Variants in DCDC1 observed in about 807,000 individuals in gnomAD.
DCDC1 encodes the protein doublecortin domain containing 1, also known as doublecortin domain-containing protein 1.
Under a neutral mutation model 178.3 loss-of-function variants are expected in DCDC1, and 200 were observed. The ratio of observed to expected loss-of-function variants is 1.12; its 90% CI spans 1.00 to 1.26. The LOEUF (loss-of-function observed/expected upper bound fraction) is 1.26, where lower values mean the gene tolerates loss of function less well. Ranked by LOEUF, DCDC1 falls within the 50% of genes most tolerant of loss-of-function variation. The pLI is 0.00. For missense variants in DCDC1, 1,983 were observed against 1,749.2 expected, an observed-to-expected ratio of 1.13 and a Z score of -2.38; for synonymous variants, 690 against 604.8, an observed-to-expected ratio of 1.14 and a Z score of -2.07.
intron 6 of DCDC1, among the ~76,000 whole-genome samples, chr11:31,300,546 G>A (rs1254329087): frequency 6.6e-6 from 1 of 151,876 alleles, no homozygotes; most frequent in Non-Finnish European, 1.5e-5. Context: ...CCAGACACAG[G>A]GACTAGAATC....
At chr11:31,204,585 G>A (rs1430388737) in intron 9 of DCDC1, among the ~76,000 whole-genome samples, 1 of 152,184 alleles carries the variant, frequency 6.6e-6, no homozygotes, top group African/African-American at 2.4e-5. Context: ...CACTTTGGGA[G>A]GCTGAGGCCC....
chr11:30,985,392 A>G (rs1289643519), intron 20 of DCDC1, among the ~76,000 whole-genome samples: 4 of 152,154 alleles, frequency 2.6e-5, no homozygotes, highest in African/African-American at 7.2e-5. Context: ...ACTAATGATA[A>G]TCATGTTAAA....
At position 31,172,336 on chromosome 11, in the gene DCDC1, T is replaced by C. The variant is rs867344208; in HGVS notation, c.1222-34552A>G. 3.3e-5 allele frequency among the ~76,000 whole-genome samples: 5 copies of C among 152,266 alleles called. No individual in the cohort carries two copies. The South Asian group carries it at 6.2e-4, about 19-fold the overall frequency. On this transcript the variant is annotated intron_variant, in intron 9 of 38. Coordinates refer to ENST00000684477, the MANE Select transcript of DCDC1 (RefSeq NM_001387274.1). ...ATATAAGCATAGACACTAGGGGTCA[T>C]ATATTAATTTTTAAGAGAATGAGAG...
At chr11:31,248,871 G>A (rs1943764124) in intron 8 of DCDC1, among the ~76,000 whole-genome samples, 1 of 152,074 alleles carries the variant, frequency 6.6e-6, no homozygotes, top group South Asian at 2.1e-4. Context: ...GCTGAGTTGT[G>A]TTCTTTTACA....
intron 31 of DCDC1, chr11:30,904,335 A>G (rs1186548326): frequency 6.5e-6 from 1 of 153,922 alleles, no homozygotes; most frequent in East Asian, 1.9e-4. Flanking sequence ...TCCATATCAT[A>G]TCAAATATCA....
intron 8 of DCDC1, among the ~76,000 whole-genome samples, chr11:31,243,664 GAAAAT>G (rs1977461053): frequency 6.6e-6 from 1 of 151,594 alleles, no homozygotes; most frequent in Non-Finnish European, 1.5e-5. Flanking sequence ...ATACAGCTTA[GAAAAT>G]AAAATAAAAT....
At chr11:31,007,157 GT>G (rs1297798127) in intron 20 of DCDC1, among the ~76,000 whole-genome samples, 1 of 152,136 alleles carries the variant, frequency 6.6e-6, no homozygotes, top group African/African-American at 2.4e-5. Flanking sequence ...AAAAATACAT[GT>G]ACCGTGTGCA....
chr11:30,884,048 T>TTTTTTTTTTTTTTTTTAG (rs1565023355), intron 36 of DCDC1, among the ~76,000 whole-genome samples: 1 of 147,296 alleles, frequency 6.8e-6, no homozygotes, highest in African/African-American at 2.5e-5. Context: ...TTTTTTTTTT[T>TTTTTTTTTTTTTTTTTAG]GAGACAGGGT....
At position 30,908,864 on chromosome 11, in the gene DCDC1, G is replaced by A. The variant is rs972835499; in HGVS notation, c.3918+82C>T. ...ACTTGTATGAACATAAAGTTTTCTAGGGAAAAAAATTTTCTCATTTTATTA... is the reference window on the plus strand; with the variant it reads ...ACTTGTATGAACATAAAGTTTTCTAAGGAAAAAAATTTTCTCATTTTATTA... On this transcript the variant is annotated intron_variant, in intron 29 of 38. Transcript: ENST00000684477. 16 of 1,318,966 alleles carry A rather than the reference G, an allele frequency of 1.2e-5. 1 individual carries two copies. The East Asian group carries it at 2.8e-4, about 23-fold the overall frequency. The allele number at this position is 1,318,966 out of a possible 1,614,324, so 81.7% of individuals were successfully genotyped here.
intron 20 of DCDC1, among the ~76,000 whole-genome samples, chr11:30,987,212 T>A (rs907883130): frequency 6.6e-6 from 1 of 152,064 alleles, no homozygotes; most frequent in Non-Finnish European, 1.5e-5. Flanking sequence ...AGGCAGGATT[T>A]CCCTATGTTG....
chr11:31,150,756 T>C (rs935286375), intron 9 of DCDC1, among the ~76,000 whole-genome samples: 2 of 152,030 alleles, frequency 1.3e-5, no homozygotes, highest in South Asian at 4.2e-4. Flanking sequence ...TTTTCCCTTA[T>C]ATCTTCTCAA....
chr11:30,892,790 T>C (rs762566885), intron 36 of DCDC1, 28 bp downstream of exon 36: 1 of 1,613,084 alleles, frequency 6.2e-7, no homozygotes, highest in Admixed American at 1.7e-5. Context: ...CTCAGGCCTA[T>C]GAAACACTCC....
At chr11:31,334,494 T>C (rs1950170590) in intron 2 of DCDC1, among the ~76,000 whole-genome samples, 1 of 152,218 alleles carries the variant, frequency 6.6e-6, no homozygotes, top group African/African-American at 2.4e-5. Context: ...TTTTCTGCTC[T>C]AGTTTCCCTC....
intron 20 of DCDC1, among the ~76,000 whole-genome samples, chr11:30,981,798 A>T (rs999783926): frequency 1.3e-5 from 2 of 152,192 alleles, no homozygotes; most frequent in African/African-American, 4.8e-5. Context: ...TTATAGAATA[A>T]TAAGAAAGAA....
chr11:31,038,282 A>G (rs556512975), intron 20 of DCDC1, among the ~76,000 whole-genome samples: 1 of 152,212 alleles, frequency 6.6e-6, no homozygotes, highest in East Asian at 1.9e-4. Flanking sequence ...ACATATCAGA[A>G]CGAAGCATTT....
At chr11:31,178,818 G>A (rs1017136773) in intron 9 of DCDC1, among the ~76,000 whole-genome samples, 11 of 152,000 alleles carry the variant, frequency 7.2e-5, no homozygotes, top group East Asian at 5.8e-4. Flanking sequence ...TCAGCCTCCC[G>A]AGTAGGTAGG....
intron 9 of DCDC1, among the ~76,000 whole-genome samples, chr11:31,202,031 T>C (rs952444172): frequency 3.3e-5 from 5 of 152,232 alleles, no homozygotes; most frequent in African/African-American, 7.2e-5. Flanking sequence ...CAGTTTGATA[T>C]AGGCAAGAAT....
chr11:31,032,333 A>G (rs1231381482), intron 20 of DCDC1, among the ~76,000 whole-genome samples: 1 of 152,198 alleles, frequency 6.6e-6, no homozygotes, highest in African/African-American at 2.4e-5. Context: ...GTGACATGGT[A>G]TATTTTAATT....
intron 36 of DCDC1, 98 bp from the exon 37 acceptor site, chr11:30,881,406 T>C (rs1942655665): frequency 1.4e-6 from 2 of 1,431,034 alleles, no homozygotes; most frequent in Non-Finnish European, 1.9e-6. Flanking sequence ...TATCCCAGTT[T>C]GATTATTTGC....
Sources: allele counts gnomAD v4.1 joint callset (sites outside exome capture counted in the v4.1 genomes callset), GRCh38; gene constraint gnomAD v4.1.1; transcripts MANE v1.5; gene names NCBI Gene and HGNC (gene_info 2026-07-23, HGNC 2026-07-21).